The following TMEM272 variants were observed in gnomAD, a reference collection of about 807,000 sequenced individuals.
The protein encoded by TMEM272 is transmembrane protein 272.
TMEM272 carries 8 observed loss-of-function variants against 3.7 expected under a neutral mutation model. The observed-to-expected ratio is 2.17, with a 90% CI of 1.27 to 3.91. TMEM272 has a LOEUF of 3.91. TMEM272 is among the 30% of genes most tolerant of loss of function. The probability of loss-of-function intolerance (pLI) is 0.00; values close to 1 mark genes in which losing one functional copy is unlikely to be tolerated. For synonymous variants in TMEM272, 63 were observed against 39.8 expected (o/e 1.58, Z -2.20); for missense variants, 166 against 91.5 (o/e 1.81, Z -3.32).
chr13:51,893,313 G>C, the TMEM272 span, among the ~76,000 whole-genome samples: 1 of 152,202 alleles, frequency 6.6e-6, no homozygotes, highest in Non-Finnish European at 1.5e-5. Flanking sequence ...AGTATTAAAT[G>C]CATCAAAAGC....
the TMEM272 span, among the ~76,000 whole-genome samples, chr13:51,879,006 C>T: frequency 2.0e-5 from 3 of 152,170 alleles, no homozygotes; most frequent in Non-Finnish European, 4.4e-5. Flanking sequence ...TTAGGAGATA[C>T]TGTGCACGAG....
At chr13:51,913,260 A>T in the TMEM272 span, among the ~76,000 whole-genome samples, 1 of 152,194 alleles carries the variant, frequency 6.6e-6, no homozygotes, top group African/African-American at 2.4e-5. Context: ...AATTCTACTG[A>T]GATACACTGA....
the TMEM272 span, among the ~76,000 whole-genome samples, chr13:51,930,826 C>A: frequency 6.7e-6 from 1 of 149,278 alleles, no homozygotes; most frequent in Non-Finnish European, 1.5e-5. Context: ...TTGGTCTATG[C>A]TGGATTTATA....
chr13:51,887,132 C>G, the TMEM272 span, among the ~76,000 whole-genome samples: 1 of 152,164 alleles, frequency 6.6e-6, no homozygotes, highest in Non-Finnish European at 1.5e-5. Flanking sequence ...AGTGTGCTCT[C>G]CACTGCGGTA....
the TMEM272 span, among the ~76,000 whole-genome samples, chr13:51,884,325 CA>C: frequency 6.6e-6 from 1 of 152,194 alleles, no homozygotes; most frequent in Non-Finnish European, 1.5e-5. Context: ...TTGGTTGTGG[CA>C]ATGTTGACTT....
At chr13:51,877,293 C>T in the TMEM272 span, among the ~76,000 whole-genome samples, 1 of 152,180 alleles carries the variant, frequency 6.6e-6, no homozygotes, top group African/African-American at 2.4e-5. Flanking sequence ...CTACTTCCTG[C>T]CTTTTCTCCC....
chr13:51,876,746 T>G, the TMEM272 span, among the ~76,000 whole-genome samples: 2 of 152,226 alleles, frequency 1.3e-5, no homozygotes, highest in Non-Finnish European at 2.9e-5. Flanking sequence ...AGGTCTTTGT[T>G]TGCTCACTTG....
chr13:51,816,698 C>A lies in TMEM272; in HGVS notation c.*53G>T. 1 of 649,484 alleles carries A rather than the reference C, an allele frequency of 1.5e-6. No homozygotes were observed. The highest frequency in any genetic ancestry group is 2.8e-6 in the Non-Finnish European group (1 of 355,084). 40.2% of individuals were successfully genotyped at this position (649,484 alleles called of 1,614,324 possible). On this transcript the variant is annotated 3_prime_UTR_variant, in exon 5 of 5. Coordinates refer to ENST00000629372, the MANE Select transcript of TMEM272 (RefSeq NM_001351003.2). ...GTGTGCGTCTGTGTGTCTGTGTGCACGCGCGTGCATGCACACGCATATGCA... is the reference window on the plus strand; with the variant it reads ...GTGTGCGTCTGTGTGTCTGTGTGCAAGCGCGTGCATGCACACGCATATGCA...
chr13:51,895,097 T>G, the TMEM272 span, among the ~76,000 whole-genome samples: 1 of 152,138 alleles, frequency 6.6e-6, no homozygotes, highest in Non-Finnish European at 1.5e-5. Context: ...CAGCTGTATA[T>G]ACAGATGAAG....
At chr13:51,827,724 A>G (rs1157908929) in intron 2 of TMEM272, among the ~76,000 whole-genome samples, 2 of 151,750 alleles carry the variant, frequency 1.3e-5, no homozygotes, top group Non-Finnish European at 2.9e-5. Flanking sequence ...ATTTTCGGGT[A>G]CCCCCACCTC....
intron 3 of TMEM272, among the ~76,000 whole-genome samples, 180 bp from the exon 4 acceptor site, chr13:51,822,317 G>T (rs115363049): frequency 2.0e-5 from 3 of 152,124 alleles, no homozygotes; most frequent in Non-Finnish European, 4.4e-5. Context: ...GATTGACACC[G>T]CAGAAATGGC....
chr13:51,934,170 C>T, the TMEM272 span: 1 of 180,268 alleles, frequency 5.5e-6, no homozygotes, highest in African/African-American at 2.4e-5. Context: ...TTGGTCCCAC[C>T]CTCCCAGGTG....
upstream of TMEM272, among the ~76,000 whole-genome samples, chr13:51,848,054 T>A (rs1330494019): frequency 6.6e-6 from 1 of 152,150 alleles, no homozygotes; most frequent in Non-Finnish European, 1.5e-5. Flanking sequence ...TAAATGATAG[T>A]AATAATAGCT....
chr13:51,865,389 C>T, the TMEM272 span: 11 of 1,593,558 alleles, frequency 6.9e-6, no homozygotes, highest in Non-Finnish European at 4.3e-6. Context: ...ATGGCCACCC[C>T]GCCATTCCGG....
chr13:51,914,727 G>C, the TMEM272 span, among the ~76,000 whole-genome samples: 1 of 152,202 alleles, frequency 6.6e-6, no homozygotes, highest in African/African-American at 2.4e-5. Flanking sequence ...GGCCCACAGA[G>C]CAGCAGCCTC....
chr13:51,876,312 C>T, the TMEM272 span, among the ~76,000 whole-genome samples: 1 of 152,198 alleles, frequency 6.6e-6, no homozygotes, highest in Non-Finnish European at 1.5e-5. Context: ...CACTATATGG[C>T]CCCTGGTGGT....
At chr13:51,849,566 G>A (rs528852884), upstream of TMEM272, among the ~76,000 whole-genome samples, 1 of 152,184 alleles carries the variant, frequency 6.6e-6, no homozygotes, top group Non-Finnish European at 1.5e-5. Flanking sequence ...ACATTCTAAG[G>A]GCCCTGTGGA....
chr13:51,822,112 A>G lies in TMEM272; in HGVS notation c.144T>C (p.Pro48=), dbSNP rs1475027126. ...AATATAAAGGAATGAGGGGCTGTAT[A>G]GGGCAGTCCTCCAAAAATTTCATTC... ...FIGMKFLEDC[P]IQPLIPLYLL... The change falls in exon 4 of 5, where the codon CCT becomes CCC. Residue 48 remains proline, a synonymous_variant. Transcript: ENST00000629372. The G allele has an allele frequency of 1.4e-6, 1 of 699,832 alleles. No individual in the cohort carries two copies. The highest frequency in any genetic ancestry group is 1.8e-5 in the African/African-American group (1 of 57,020). The allele number at this position is 699,832 out of a possible 1,614,324, so 43.4% of individuals were successfully genotyped here.
intron 1 of TMEM272, among the ~76,000 whole-genome samples, chr13:51,840,354 C>A (rs974502646): frequency 5.9e-5 from 9 of 152,188 alleles, no homozygotes; most frequent in Middle Eastern, 3.2e-3. Flanking sequence ...AGATTCTTAT[C>A]CCCATTTTAC....
Sources: gnomAD v4.1 joint callset for allele counts (sites outside exome capture counted in the v4.1 genomes callset) on GRCh38, gnomAD v4.1.1 for gene constraint, MANE v1.5 for transcripts, NCBI Gene and HGNC (gene_info 2026-07-23, HGNC 2026-07-21) for gene names.